RAPGEF6: variants seen among roughly 807,000 people sequenced by gnomAD.
RAPGEF6 encodes PDZ domain containing guanine nucleotide exchange factor (GEF) 2.
A neutral mutation model predicts 171.4 loss-of-function variants in RAPGEF6; 56 were observed. The ratio of observed to expected loss-of-function variants is 0.33; its 90% CI spans 0.26 to 0.41. RAPGEF6 has a LOEUF of 0.41. RAPGEF6 is among the 10% of genes least tolerant of loss of function. The probability of loss-of-function intolerance (pLI) is 1.00; values close to 1 mark genes in which losing one functional copy is unlikely to be tolerated. For missense variants in RAPGEF6, 1,674 were observed against 1,921.4 expected (o/e 0.87, Z 2.41); for synonymous variants, 692 against 650.1 (o/e 1.06, Z -0.98).
In RAPGEF6 at chr5:131,510,570, C is replaced by T. The variant is rs1757653757; in HGVS notation, c.628-79G>A. The T allele has an allele frequency of 5.4e-5, 72 of 1,329,996 alleles. 1 individual carries two copies. In the South Asian group the frequency reaches 7.1e-4, roughly 13 times the overall value. 82.4% of individuals were successfully genotyped at this position (1,329,996 alleles called of 1,614,324 possible). On this transcript the variant is annotated intron_variant, in intron 7 of 27. Transcript: ENST00000509018. ...CACAGTCTGAATTAATCAAAACTAC[C>T]CATCCCTACAAAATATAAAAGACTT...
intron 17 of RAPGEF6, among the ~76,000 whole-genome samples, chr5:131,465,663 G>A (rs904365775): frequency 1.3e-5 from 2 of 152,040 alleles, no homozygotes; most frequent in Non-Finnish European, 2.9e-5. Context: ...CATTCTTGTA[G>A]TTCCAGCTAC....
rs534907200 is a variant in RAPGEF6 at position 131,588,994 on chromosome 5, C to T, written c.281+3389G>A. On this transcript the variant is annotated intron_variant, in intron 4 of 27. Transcript: ENST00000509018. ...CTGAGACAGGAGAATTGCCAGAACC[C>T]GGGAGGCAGAGATTGCAGTGTACTG... 1.4e-3 allele frequency among the ~76,000 whole-genome samples: 214 copies of T among 151,682 alleles called. 1 individual carries two copies. Among genetic ancestry groups the T allele is most frequent in the South Asian group, 6.3e-3 (30 of 4,794 alleles).
At chr5:131,599,220 G>A (rs1038261594) in intron 3 of RAPGEF6, among the ~76,000 whole-genome samples, 2 of 152,030 alleles carry the variant, frequency 1.3e-5, no homozygotes, top group Admixed American at 6.6e-5. Context: ...CCAGCTACTC[G>A]GGAGGCTGAG....
intron 27 of RAPGEF6, 37 bp downstream of exon 27, chr5:131,428,865 T>C: frequency 6.4e-7 from 1 of 1,561,660 alleles, no homozygotes; most frequent in South Asian, 1.1e-5. Flanking sequence ...TGTTCAGCAA[T>C]TCATTTAAGA....
rs538900792 is a variant in RAPGEF6, at chr5:131,548,368, T to C, written c.352-178A>G. 1.1e-4 allele frequency among the ~76,000 whole-genome samples: 16 copies of C among 152,358 alleles called. No individual in the cohort carries two copies. The East Asian group carries it at 3.1e-3, about 29-fold the overall frequency. On this transcript the variant is annotated intron_variant, in intron 5 of 27. Transcript: ENST00000509018. ...TTAAAGATTAGAGGTGATGTTATTATAAAGATCTGGAGACCACAGTTTCCG... is the reference window on the plus strand; with the variant it reads ...TTAAAGATTAGAGGTGATGTTATTACAAAGATCTGGAGACCACAGTTTCCG...
In RAPGEF6 at chr5:131,472,760, A is replaced by C; in HGVS notation, c.2082-16T>G. 1 of 1,595,464 alleles carries C rather than the reference A, an allele frequency of 6.3e-7. No individual in the cohort carries two copies. The highest frequency in any genetic ancestry group is 8.6e-7 in the Non-Finnish European group (1 of 1,163,202). On this transcript the variant is annotated splice_polypyrimidine_tract_variant and intron_variant, in intron 16 of 27. Coordinates refer to ENST00000509018, the MANE Select transcript of RAPGEF6 (RefSeq NM_016340.6). ...GCCTCCATCACTTCAAAAGAATGTC[A>C]TATATCACTTTAAAGTATTTGAGAG...
chr5:131,443,308 C>T (rs1752499303), intron 22 of RAPGEF6, among the ~76,000 whole-genome samples: 1 of 152,100 alleles, frequency 6.6e-6, no homozygotes, highest in Admixed American at 6.6e-5. Flanking sequence ...GAACTCTTGA[C>T]CTCAGGTGAT....
intron 16 of RAPGEF6, 145 bp downstream of exon 16, chr5:131,479,368 T>A (rs1434064860): frequency 4.3e-5 from 33 of 765,588 alleles, no homozygotes; most frequent in Non-Finnish European, 6.2e-6. Flanking sequence ...AGTTCAAATG[T>A]ATTCTTATTT....
chr5:131,561,861 G>T, intron 5 of RAPGEF6, 117 bp downstream of exon 5: 1 of 754,864 alleles, frequency 1.3e-6, no homozygotes, highest in Non-Finnish European at 2.2e-6. Flanking sequence ...GATGCTACTT[G>T]ATGAAATCTC....
At chr5:131,444,008 T>A (rs1291962874) in intron 22 of RAPGEF6, among the ~76,000 whole-genome samples, 1 of 152,196 alleles carries the variant, frequency 6.6e-6, no homozygotes, top group African/African-American at 2.4e-5. Flanking sequence ...AATACTATAG[T>A]CCAAGGGGAA....
chr5:131,462,160 C>T (rs906100648), intron 18 of RAPGEF6, 72 bp from the exon 19 acceptor site: 21 of 1,171,548 alleles, frequency 1.8e-5, no homozygotes, highest in Middle Eastern at 6.2e-4. Context: ...TCCTTTTTGT[C>T]GTTGTAAAAT....
intron 5 of RAPGEF6, among the ~76,000 whole-genome samples, chr5:131,551,843 G>C (rs990551084): frequency 1.3e-5 from 2 of 152,042 alleles, no homozygotes; most frequent in African/African-American, 4.8e-5. Context: ...GGAATATAAA[G>C]AGTTAAATGC....
chr5:131,619,418 T>C (rs1765477981), intron 1 of RAPGEF6, among the ~76,000 whole-genome samples: 3 of 152,300 alleles, frequency 2.0e-5, no homozygotes, highest in Middle Eastern at 3.4e-3. Flanking sequence ...TGTATACCTA[T>C]GTAACAAACC....
chr5:131,592,583 T>C, intron 3 of RAPGEF6, 117 bp from the exon 4 acceptor site: 1 of 1,444,248 alleles, frequency 6.9e-7, no homozygotes, highest in Non-Finnish European at 9.1e-7. Flanking sequence ...GAAGTAACAC[T>C]ACCTGGAAAT....
intron 6 of RAPGEF6, among the ~76,000 whole-genome samples, chr5:131,527,643 A>T (rs1203225735): frequency 5.3e-5 from 8 of 152,196 alleles, no homozygotes; most frequent in Non-Finnish European, 1.0e-4. Context: ...AATGATACAC[A>T]CAAGAGATAG....
chr5:131,564,518 A>G (rs1000956949), intron 4 of RAPGEF6, among the ~76,000 whole-genome samples: 5 of 152,230 alleles, frequency 3.3e-5, no homozygotes, highest in African/African-American at 1.2e-4. Context: ...AATTAGCTAG[A>G]CTATACGTTA....
chr5:131,437,312 T>A (rs1157840108), intron 24 of RAPGEF6, among the ~76,000 whole-genome samples: 1 of 152,176 alleles, frequency 6.6e-6, no homozygotes, highest in Non-Finnish European at 1.5e-5. Flanking sequence ...GAGTGTTGAG[T>A]GTAGATTTTG....
At chr5:131,484,222 CTTTT>C (rs751000560) in intron 15 of RAPGEF6, among the ~76,000 whole-genome samples, 9 of 74,106 alleles carry the variant, frequency 1.2e-4, no homozygotes, top group Admixed American at 3.6e-4. Context: ...ACTGCAGAGG[CTTTT>C]TTTTTTTTTT....
chr5:131,488,281 C>T (rs189164897), intron 15 of RAPGEF6, among the ~76,000 whole-genome samples: 99 of 152,168 alleles, frequency 6.5e-4, no homozygotes, highest in Middle Eastern at 3.4e-3. Context: ...TATTTTTATT[C>T]AGAATATTTA....
Sources: allele counts gnomAD v4.1 joint callset (sites outside exome capture counted in the v4.1 genomes callset), GRCh38; gene constraint gnomAD v4.1.1; transcripts MANE v1.5; gene names NCBI Gene and HGNC (gene_info 2026-07-23, HGNC 2026-07-21).